FAF1: variants seen among roughly 807,000 people sequenced by gnomAD.
FAF1 encodes the protein FAS-associated factor 1.
A neutral mutation model predicts 92.5 loss-of-function variants in FAF1; 25 were observed. The observed-to-expected ratio is 0.27, with a 90% CI of 0.20 to 0.38. The LOEUF (loss-of-function observed/expected upper bound fraction) is 0.38. Among genes scored for constraint, FAF1 ranks in the 10% least tolerant of loss-of-function variants. The pLI, the probability that FAF1 is intolerant of heterozygous loss-of-function variation, is 1.00. For missense variants in FAF1, 636 were observed against 793.3 expected, an observed-to-expected ratio of 0.80 and a Z score of 2.38; for synonymous variants, 234 against 273.2, an observed-to-expected ratio of 0.86 and a Z score of 1.42.
intron 5 of FAF1, among the ~76,000 whole-genome samples, chr1:50,740,986 C>T (rs746610794): frequency 6.6e-6 from 1 of 152,196 alleles, no homozygotes; most frequent in Non-Finnish European, 1.5e-5. Context: ...CATCAAACCA[C>T]ATATGGAAAG....
intron 15 of FAF1, among the ~76,000 whole-genome samples, chr1:50,521,719 T>C (rs1043145493): frequency 6.6e-6 from 1 of 152,186 alleles, no homozygotes; most frequent in Non-Finnish European, 1.5e-5. Flanking sequence ...TTTACAGTAA[T>C]AAATGGTGAC....
At chr1:50,826,287 A>G in intron 2 of FAF1, among the ~76,000 whole-genome samples, 1 of 152,248 alleles carries the variant, frequency 6.6e-6, no homozygotes, top group Admixed American at 6.5e-5. Context: ...ACAGTGGCTC[A>G]TGCCTGTAAT....
At chr1:50,562,219 T>C (rs1649951981) in intron 13 of FAF1, among the ~76,000 whole-genome samples, 1 of 152,212 alleles carries the variant, frequency 6.6e-6, no homozygotes, top group Non-Finnish European at 1.5e-5. Context: ...ATGTTACATA[T>C]CCAAAAGAAT....
chr1:50,934,172 A>G (rs1645069113), intron 1 of FAF1, among the ~76,000 whole-genome samples: 1 of 152,190 alleles, frequency 6.6e-6, no homozygotes, highest in Non-Finnish European at 1.5e-5. Flanking sequence ...GTTTACCTTG[A>G]GTTAATATTA....
chr1:50,832,895 CT>C (rs1320435031), intron 2 of FAF1, among the ~76,000 whole-genome samples: 1 of 152,164 alleles, frequency 6.6e-6, no homozygotes. Context: ...ATTTATTTCT[CT>C]CAAAATAGAA....
At chr1:50,479,259 A>T (rs1177179502) in intron 17 of FAF1, among the ~76,000 whole-genome samples, 1 of 144,252 alleles carries the variant, frequency 6.9e-6, no homozygotes, top group Admixed American at 8.1e-5. Flanking sequence ...ACACTGCTCT[A>T]CCTTCCTCTC....
At chr1:50,874,738 C>T (rs1356416995) in intron 1 of FAF1, among the ~76,000 whole-genome samples, 3 of 148,880 alleles carry the variant, frequency 2.0e-5, no homozygotes, top group Non-Finnish European at 4.4e-5. Context: ...ATCCCTTCTC[C>T]ATCTTATTTT....
intron 8 of FAF1, among the ~76,000 whole-genome samples, chr1:50,617,064 G>C (rs940051522): frequency 6.6e-6 from 1 of 152,126 alleles, no homozygotes; most frequent in African/African-American, 2.4e-5. Flanking sequence ...GGGTTTTCTA[G>C]GTATAGAATC....
chr1:50,513,171 T>A (rs1001959843), intron 15 of FAF1, among the ~76,000 whole-genome samples: 5 of 152,130 alleles, frequency 3.3e-5, no homozygotes, highest in Admixed American at 3.3e-4. Context: ...GAAGGCCTCA[T>A]CTATGTGATA....
intron 4 of FAF1, among the ~76,000 whole-genome samples, chr1:50,766,335 C>T (rs376663500): frequency 6.6e-6 from 1 of 152,110 alleles, no homozygotes; most frequent in Non-Finnish European, 1.5e-5. Flanking sequence ...CCCTAGAATA[C>T]TTTTTGTTTA....
chr1:50,768,185 TA>T (rs935703551), intron 4 of FAF1, among the ~76,000 whole-genome samples: 2 of 151,676 alleles, frequency 1.3e-5, no homozygotes, highest in African/African-American at 4.8e-5. Context: ...CCAAAAAGAT[TA>T]AAAAAAGATA....
chr1:50,639,396 T>C (rs181156271), intron 8 of FAF1, among the ~76,000 whole-genome samples: 239 of 152,354 alleles, frequency 1.6e-3, no homozygotes, highest in African/African-American at 5.4e-3. Flanking sequence ...TACTTTGCCT[T>C]CCTACCTTGC....
intron 1 of FAF1, among the ~76,000 whole-genome samples, chr1:50,917,689 G>GA (rs1245743757): frequency 3.8e-5 from 5 of 132,018 alleles, no homozygotes; most frequent in African/African-American, 1.4e-4. Context: ...GAAAGGAAAG[G>GA]AAAGGAAAGG....
chr1:50,685,862 G>T (rs1450551044), intron 7 of FAF1, among the ~76,000 whole-genome samples: 1 of 152,130 alleles, frequency 6.6e-6, no homozygotes, highest in African/African-American at 2.4e-5. Flanking sequence ...ATTTTCCCCA[G>T]AAATACACTC....
Position 50,644,697 on chromosome 1 carries a change from G to A in FAF1, c.744+10745C>T, listed in dbSNP as rs12068572. Among the ~76,000 whole-genome samples the A allele has an allele frequency of 1.0e-2, 1,516 of 152,336 alleles. 24 individuals are homozygous for A. The highest frequency in any genetic ancestry group is 0.035 in the African/African-American group (1,437 of 41,568). ...TAGAACTCTTGTTTCCTTCTTCAGA[G>A]TCCTGTTGGCTAATATCTGAAAACA... On this transcript the variant is annotated intron_variant, in intron 8 of 18. Coordinates refer to ENST00000396153, the MANE Select transcript of FAF1 (RefSeq NM_007051.3).
chr1:50,614,112 A>C (rs950234449), intron 8 of FAF1, among the ~76,000 whole-genome samples: 11 of 152,082 alleles, frequency 7.2e-5, no homozygotes, highest in Non-Finnish European at 1.3e-4. Context: ...AAAGAAAAAA[A>C]ACACACACAA....
In FAF1 at chr1:50,941,417, A is replaced by G. The variant is rs111457688; in HGVS notation, c.45+18350T>C. On this transcript the variant is annotated intron_variant, in intron 1 of 18. Transcript: ENST00000396153. ...TTTTTGGTAGAGATGGGGTTTTACC[A>G]TGTTGGCCAGGCCAGTCTGGGACTC... Among the ~76,000 whole-genome samples, 585 of 152,184 alleles carry G rather than the reference A, an allele frequency of 3.8e-3. 5 individuals carry two copies. Among genetic ancestry groups the G allele is most frequent in the African/African-American group, 0.013 (557 of 41,502 alleles).
intron 13 of FAF1, among the ~76,000 whole-genome samples, chr1:50,556,601 T>C (rs1202831018): frequency 6.6e-6 from 1 of 152,060 alleles, no homozygotes; most frequent in Non-Finnish European, 1.5e-5. Flanking sequence ...TTTGGGAGGC[T>C]GAGGTGGACA....
At chr1:50,937,905 T>C (rs1645100371) in intron 1 of FAF1, among the ~76,000 whole-genome samples, 1 of 152,182 alleles carries the variant, frequency 6.6e-6, no homozygotes, top group African/African-American at 2.4e-5. Context: ...TGTCGGGTAA[T>C]ATGTATTTCT....
Sources: allele counts gnomAD v4.1 joint callset (sites outside exome capture counted in the v4.1 genomes callset), GRCh38; gene constraint gnomAD v4.1.1; transcripts MANE v1.5; gene names NCBI Gene and HGNC (gene_info 2026-07-23, HGNC 2026-07-21).